Variants in PPP2R2B observed in about 807,000 individuals in gnomAD.
The protein encoded by PPP2R2B is protein phosphatase 2 regulatory subunit Bbeta, also known as serine/threonine-protein phosphatase 2A 55 kDa regulatory subunit B beta isoform.
In PPP2R2B, 5 loss-of-function variants were observed where a neutral mutation model predicts 46.0. That is an observed-to-expected ratio of 0.11 (90% CI 0.06 to 0.23). PPP2R2B has a LOEUF of 0.23. Ranked by LOEUF, PPP2R2B falls within the 10% of genes least tolerant of loss-of-function variation. The pLI is 1.00. For missense variants in PPP2R2B, 367 were observed against 575.0 expected, an observed-to-expected ratio of 0.64 and a Z score of 3.70; for synonymous variants, 215 against 206.7, an observed-to-expected ratio of 1.04 and a Z score of -0.34.
intron 2 of PPP2R2B, among the ~76,000 whole-genome samples, chr5:146,784,230 G>T (rs1300172562): frequency 6.6e-6 from 1 of 152,128 alleles, no homozygotes; most frequent in Non-Finnish European, 1.5e-5. Context: ...TCAATAAACA[G>T]CTATAGAAAC....
At chr5:146,958,801 G>A (rs1350124468) in intron 1 of PPP2R2B, among the ~76,000 whole-genome samples, 2 of 152,134 alleles carry the variant, frequency 1.3e-5, no homozygotes. Context: ...TATCTTCCGA[G>A]TGCCTTTGTG....
chr5:146,699,382 C>A (rs1246317660), intron 3 of PPP2R2B, among the ~76,000 whole-genome samples: 2 of 152,166 alleles, frequency 1.3e-5, no homozygotes, highest in Non-Finnish European at 2.9e-5. Flanking sequence ...ATTTTAATCC[C>A]AAGACTGGCC....
At chr5:146,697,918 A>G (rs1779275080) in intron 4 of PPP2R2B, 61 bp downstream of exon 4, 1 of 1,483,018 alleles carries the variant, frequency 6.7e-7, no homozygotes, top group Non-Finnish European at 9.2e-7. Flanking sequence ...GTTAAGAGAG[A>G]TTGAAGTATA....
At chr5:147,040,634 G>T in intron 1 of PPP2R2B, 2 of 377,172 alleles carry the variant, frequency 5.3e-6, no homozygotes, top group Non-Finnish European at 1.1e-5. Flanking sequence ...TGCTTCAGGG[G>T]CTCAGTGTGA....
Position 146,736,751 on chromosome 5 carries a change from T to C in PPP2R2B, c.71-35609A>G, listed in dbSNP as rs544977524. Among the ~76,000 whole-genome samples, 7 of 152,330 alleles carry C rather than the reference T, an allele frequency of 4.6e-5. No individual in the cohort carries two copies. The South Asian group carries it at 8.3e-4, about 18-fold the overall frequency. On this transcript the variant is annotated intron_variant, in intron 2 of 9. Transcript: ENST00000394411. The stretch of plus-strand genomic sequence containing the variant: ...CTGTTAATTACTATTAATACCACCA[T>C]GAGGGCACAAAAGCAGGATTGCAGC...
At chr5:146,960,629 C>A (rs111660313) in intron 1 of PPP2R2B, among the ~76,000 whole-genome samples, 3 of 152,090 alleles carry the variant, frequency 2.0e-5, no homozygotes, top group Admixed American at 6.6e-5. Flanking sequence ...GAATGGAAAA[C>A]CATTAGACCT....
At chr5:146,615,515 T>TAA (rs1364774106) in intron 7 of PPP2R2B, among the ~76,000 whole-genome samples, 8 of 71,022 alleles carry the variant, frequency 1.1e-4, no homozygotes, top group African/African-American at 3.2e-4. Flanking sequence ...AAAAAAAAAT[T>TAA]AAAAAAAAAA....
chr5:146,827,089 T>C (rs572137537), intron 2 of PPP2R2B, among the ~76,000 whole-genome samples: 7 of 152,288 alleles, frequency 4.6e-5, no homozygotes, highest in African/African-American at 1.7e-4. Flanking sequence ...CACAAAGGTA[T>C]GGCTACTTTT....
intron 1 of PPP2R2B, among the ~76,000 whole-genome samples, chr5:146,897,818 A>C (rs1762695182): frequency 2.7e-5 from 4 of 150,450 alleles, no homozygotes; most frequent in South Asian, 4.2e-4. Context: ...GAAAAAAAAA[A>C]CATGGAATTA....
At chr5:146,649,175 G>A (rs540251960) in intron 6 of PPP2R2B, among the ~76,000 whole-genome samples, 3 of 152,212 alleles carry the variant, frequency 2.0e-5, no homozygotes, top group African/African-American at 7.2e-5. Flanking sequence ...TTAGAGGCAG[G>A]GCTCATGGAT....
chr5:146,876,826 T>C (rs1209130713), intron 2 of PPP2R2B, among the ~76,000 whole-genome samples: 5 of 152,230 alleles, frequency 3.3e-5, no homozygotes, highest in African/African-American at 1.2e-4. Context: ...GGGATGTTTA[T>C]AGAAGATGCC....
At chr5:146,887,159 T>C (rs1762355045) in intron 1 of PPP2R2B, among the ~76,000 whole-genome samples, 1 of 152,092 alleles carries the variant, frequency 6.6e-6, no homozygotes, top group South Asian at 2.1e-4. Flanking sequence ...TTTCAACATA[T>C]AATCAATAAA....
chr5:146,787,677 C>T (rs1207457376), intron 2 of PPP2R2B, among the ~76,000 whole-genome samples: 4 of 152,126 alleles, frequency 2.6e-5, no homozygotes, highest in African/African-American at 9.7e-5. Context: ...AAGTGATTAT[C>T]TTGCCTCAGC....
intron 2 of PPP2R2B, among the ~76,000 whole-genome samples, chr5:146,704,401 A>G (rs934262143): frequency 6.6e-6 from 1 of 152,252 alleles, no homozygotes; most frequent in Non-Finnish European, 1.5e-5. Context: ...ATCAAGTTCA[A>G]CATGGCTTTC....
intron 1 of PPP2R2B, among the ~76,000 whole-genome samples, chr5:146,989,165 C>T (rs1398691043): frequency 2.0e-5 from 3 of 152,008 alleles, no homozygotes; most frequent in Non-Finnish European, 4.4e-5. Context: ...TTGAATTCTA[C>T]CAAACATTTA....
intron 7 of PPP2R2B, among the ~76,000 whole-genome samples, chr5:146,620,357 C>T (rs1172455297): frequency 6.6e-6 from 1 of 152,078 alleles, no homozygotes; most frequent in Admixed American, 6.6e-5. Context: ...GGGACTGGTG[C>T]CTTTTTGAGA....
At chr5:146,894,293 A>G (rs1375738503) in intron 1 of PPP2R2B, among the ~76,000 whole-genome samples, 2 of 152,186 alleles carry the variant, frequency 1.3e-5, no homozygotes, top group Admixed American at 1.3e-4. Context: ...CCCTTAATAC[A>G]ATGTAACAGA....
intron 2 of PPP2R2B, among the ~76,000 whole-genome samples, chr5:146,858,318 T>C (rs923337234): frequency 6.6e-6 from 1 of 152,226 alleles, no homozygotes; most frequent in Non-Finnish European, 1.5e-5. Flanking sequence ...ATAATACTTA[T>C]GACCACTTAA....
chr5:146,932,916 T>A (rs925237003), intron 1 of PPP2R2B, among the ~76,000 whole-genome samples: 1 of 152,174 alleles, frequency 6.6e-6, no homozygotes, highest in African/African-American at 2.4e-5. Flanking sequence ...GAAAGCTATA[T>A]CTAGCAGAGA....
Sources: allele counts gnomAD v4.1 joint callset (sites outside exome capture counted in the v4.1 genomes callset), GRCh38; gene constraint gnomAD v4.1.1; transcripts MANE v1.5; gene names NCBI Gene and HGNC (gene_info 2026-07-23, HGNC 2026-07-21).